NTM: variants seen among roughly 807,000 people sequenced by gnomAD.
The protein encoded by NTM is neurotrimin, also known as IgLON family member 2.
A neutral mutation model predicts 42.1 loss-of-function variants in NTM; 13 were observed. The observed-to-expected ratio is 0.31, with a 90% CI of 0.20 to 0.49. The LOEUF is 0.49. Among genes scored for constraint, NTM ranks in the 20% least tolerant of loss-of-function variants. NTM has a pLI of 0.99. For synonymous variants in NTM, 187 were observed against 179.2 expected (o/e 1.04, Z -0.35); for missense variants, 373 against 452.8 (o/e 0.82, Z 1.60).
At chr11:131,943,989 A>G (rs2060082313) in intron 2 of NTM, among the ~76,000 whole-genome samples, 1 of 152,140 alleles carries the variant, frequency 6.6e-6, no homozygotes, top group African/African-American at 2.4e-5. Context: ...ACTTTATAAA[A>G]GCCATATTTG....
intron 1 of NTM, among the ~76,000 whole-genome samples, chr11:131,812,444 A>G (rs1263982385): frequency 6.6e-6 from 1 of 152,148 alleles, no homozygotes; most frequent in East Asian, 1.9e-4. Context: ...GCCCCCTAAC[A>G]TTAGAATAAT....
chr11:132,252,454 A>C (rs1337750427), intron 4 of NTM, among the ~76,000 whole-genome samples: 1 of 152,184 alleles, frequency 6.6e-6, no homozygotes, highest in Non-Finnish European at 1.5e-5. Context: ...AAAAGGGTGG[A>C]AATGGGAGAG....
intron 1 of NTM, among the ~76,000 whole-genome samples, chr11:131,624,877 G>T (rs1045389161): frequency 2.6e-5 from 4 of 152,158 alleles, no homozygotes; most frequent in Non-Finnish European, 5.9e-5. Flanking sequence ...TGATCAGGCA[G>T]CCAGGATTTC....
chr11:132,006,272 G>A (rs2070759486), intron 2 of NTM, among the ~76,000 whole-genome samples: 2 of 152,298 alleles, frequency 1.3e-5, no homozygotes, highest in South Asian at 4.1e-4. Flanking sequence ...GAAAGCTTGA[G>A]GGGAGAGGGA....
intron 1 of NTM, among the ~76,000 whole-genome samples, chr11:131,754,285 A>T (rs528475748): frequency 2.9e-5 from 4 of 140,326 alleles, no homozygotes; most frequent in South Asian, 2.2e-4. Flanking sequence ...AGTATAATTT[A>T]AAAAAAAAAG....
intron 4 of NTM, among the ~76,000 whole-genome samples, chr11:132,261,345 G>A (rs929974875): frequency 6.6e-6 from 1 of 152,194 alleles, no homozygotes; most frequent in East Asian, 1.9e-4. Context: ...GGAAAGTACT[G>A]CATGGGAATC....
chr11:131,924,069 G>A lies in NTM; in HGVS notation c.167+12421G>A, dbSNP rs186486064. ...GAAGGACCTGGCCTGCAGTGGGCCC[G>A]TGGTGGGCAGAGGGCAGGGTGTACC... On this transcript the variant is annotated intron_variant, in intron 2 of 8. Transcript: ENST00000683400. Among the ~76,000 whole-genome samples the A allele has an allele frequency of 1.4e-3, 206 of 152,344 alleles. 1 individual carries two copies. The highest frequency in any genetic ancestry group is 2.3e-3 in the Non-Finnish European group (159 of 68,030).
At chr11:131,874,101 G>A (rs558121900) in intron 1 of NTM, among the ~76,000 whole-genome samples, 24 of 113,280 alleles carry the variant, frequency 2.1e-4, no homozygotes, top group Non-Finnish European at 4.1e-4. Flanking sequence ...AGCCTTGATG[G>A]TTGCTTCAAT....
chr11:131,436,978 G>A (rs1198793636), intron 1 of NTM, among the ~76,000 whole-genome samples: 2 of 152,116 alleles, frequency 1.3e-5, no homozygotes, highest in Non-Finnish European at 2.9e-5. Context: ...ATTCAGGTAC[G>A]TTGTGTCTTT....
chr11:131,479,800 G>C (rs539384709), intron 1 of NTM, among the ~76,000 whole-genome samples: 12 of 152,250 alleles, frequency 7.9e-5, no homozygotes, highest in African/African-American at 2.4e-4. Context: ...GTGTGAGAAC[G>C]TCAGCACAGA....
At chr11:131,816,925 T>A (rs2092976663) in intron 1 of NTM, among the ~76,000 whole-genome samples, 1 of 152,088 alleles carries the variant, frequency 6.6e-6, no homozygotes, top group African/African-American at 2.4e-5. Context: ...GTATTCTGAG[T>A]GGGTTTCTGA....
At chr11:132,219,011 G>A (rs1329873473) in intron 4 of NTM, among the ~76,000 whole-genome samples, 1 of 151,978 alleles carries the variant, frequency 6.6e-6, no homozygotes, top group Admixed American at 6.6e-5. Context: ...GCTTCTTGGC[G>A]TGAACCCTGG....
At chr11:132,075,453 A>G (rs1005555398) in intron 2 of NTM, among the ~76,000 whole-genome samples, 3 of 152,200 alleles carry the variant, frequency 2.0e-5, no homozygotes, top group African/African-American at 7.2e-5. Context: ...CTAGAATCCT[A>G]TTCCAAGATG....
At chr11:131,405,253 T>A (rs1420963627) in intron 1 of NTM, among the ~76,000 whole-genome samples, 1 of 152,198 alleles carries the variant, frequency 6.6e-6, no homozygotes, top group African/African-American at 2.4e-5. Flanking sequence ...TTACATCTGT[T>A]GACTGCCAAT....
chr11:131,676,476 T>C lies in NTM; in HGVS notation c.83-235088T>C, dbSNP rs183996550. 2.5e-4 allele frequency among the ~76,000 whole-genome samples: 38 copies of C among 152,272 alleles called. 1 individual carries two copies. The East Asian group carries it at 5.8e-3, about 23-fold the overall frequency. ...GTGTCTGTGCCTGTGTACATGCGTG[T>C]GCGGGGGTATGCCTGTGTGTGCGCA... On this transcript the variant is annotated intron_variant, in intron 1 of 8. Coordinates refer to ENST00000683400, the MANE Select transcript of NTM (RefSeq NM_001352005.2).
Position 131,537,171 on chromosome 11 carries a change from T to C in NTM, c.82+166283T>C, listed in dbSNP as rs1034149493. The C allele has an allele frequency of 3.6e-5, 5 of 140,630 alleles. No individual in the cohort carries two copies. The Admixed American group carries it at 3.7e-4, about 10-fold the overall frequency. 8.7% of individuals were successfully genotyped at this position (140,630 alleles called of 1,614,324 possible). A position where few individuals can be genotyped will look rare whatever the true frequency, so the allele number is the denominator to read the frequency against. On this transcript the variant is annotated intron_variant, in intron 1 of 8. Coordinates refer to ENST00000683400, the MANE Select transcript of NTM (RefSeq NM_001352005.2). ...AGGTCCACAGGGATGAGCTTCTTCA[T>C]CTAGAGTGAAGTTTAAAAAAAAAAA...
chr11:131,761,852 T>G (rs2084252099), intron 1 of NTM, among the ~76,000 whole-genome samples: 1 of 131,636 alleles, frequency 7.6e-6, no homozygotes, highest in Non-Finnish European at 1.7e-5. Context: ...AATAAATAAA[T>G]AAATAAATAA....
intron 2 of NTM, among the ~76,000 whole-genome samples, chr11:132,132,106 G>A (rs1566251302): frequency 1.3e-5 from 2 of 152,048 alleles, no homozygotes; most frequent in African/African-American, 4.8e-5. Flanking sequence ...CAGTTCAAGT[G>A]CCCGAGGATA....
chr11:131,450,063 G>A (rs1159053073), intron 1 of NTM, among the ~76,000 whole-genome samples: 1 of 152,130 alleles, frequency 6.6e-6, no homozygotes, highest in Non-Finnish European at 1.5e-5. Context: ...GAGTTATAAC[G>A]ATTTCTCTCC....
Sources: gnomAD v4.1 joint callset for allele counts (sites outside exome capture counted in the v4.1 genomes callset) on GRCh38, gnomAD v4.1.1 for gene constraint, MANE v1.5 for transcripts, NCBI Gene and HGNC (gene_info 2026-07-23, HGNC 2026-07-21) for gene names.